ADH1C: variants seen among roughly 807,000 people sequenced by gnomAD.
The protein encoded by ADH1C is alcohol dehydrogenase 1C (class I), gamma polypeptide.
Under a neutral mutation model 35.0 loss-of-function variants are expected in ADH1C, and 26 were observed. The observed-to-expected ratio is 0.74, with a 90% confidence interval of 0.54 to 1.03. The LOEUF (loss-of-function observed/expected upper bound fraction) is 1.03. ADH1C is among the 50% of genes least tolerant of loss of function. The pLI is 0.00. For synonymous variants in ADH1C, 170 were observed against 169.3 expected (o/e 1.00, Z -0.03); for missense variants, 413 against 465.4 (o/e 0.89, Z 1.04).
At chr4:99,347,889 C>T (rs1374015863) in intron 1 of ADH1C, 43 bp from the exon 2 acceptor site, 7 of 1,606,082 alleles carry the variant, frequency 4.4e-6, no homozygotes, top group Non-Finnish European at 6.0e-6. Flanking sequence ...TTTTCCCACG[C>T]TTGCAGTCAG....
intron 8 of ADH1C, 49 bp downstream of exon 8, chr4:99,339,527 GC>G: frequency 7.1e-5 from 47 of 665,154 alleles, no homozygotes; most frequent in Non-Finnish European, 8.7e-5. Context: ...CCCCCCCCCC[GC>G]CGCTACTGTA....
Position 99,344,886 on chromosome 4 carries a change from A to G in ADH1C, c.543T>C (p.Tyr181=). ...CLIGCGFSTG[Y]GSAVKVAKVT... is the part of the protein sequence containing the mutation. ...CCTTGGCAACTTTGACTGCAGACCC[A>G]TAACCAGTCGAAAATCCACAGCCAA... The change falls in exon 5 of 9, where the codon TAT becomes TAC. Residue 181 remains tyrosine (Y), a synonymous_variant. Transcript: ENST00000515683. The G allele has an allele frequency of 9.3e-6, 15 of 1,614,248 alleles. No individual in the cohort carries two copies. Among genetic ancestry groups the G allele is most frequent in the Non-Finnish European group, 1.3e-5 (15 of 1,180,042 alleles).
intron 1 of ADH1C, chr4:99,351,082 G>A (rs1354900159): frequency 6.6e-6 from 1 of 152,160 alleles, no homozygotes; most frequent in African/African-American, 2.4e-5. Flanking sequence ...AGGTTGCAGT[G>A]AGCCGAGATC....
In ADH1C at chr4:99,345,027, G is replaced by T; in HGVS notation, c.402C>A (p.Ser134Arg). The T allele has an allele frequency of 1.2e-6, 2 of 1,614,156 alleles. No homozygotes were observed. Among genetic ancestry groups the T allele is most frequent in the South Asian group, 1.1e-5 (1 of 91,070 alleles). The change falls in exon 5 of 9, where the codon AGC becomes AGA. Residue 134 changes from serine to arginine, a missense_variant. Physicochemically the swap from Ser to Arg is moderately radical, Grantham distance 110. Coordinates refer to ENST00000515683, the MANE Select transcript of ADH1C (RefSeq NM_000669.5). Reference protein sequence around the residue: ...LQDGTRRFTCSGKPIHHFVGV... With the variant: ...LQDGTRRFTCRGKPIHHFVGV... ...CGACGAAGTGGTGGATGGGCTTCCC[G>T]CTGCAGGTGAACCTCCTGGTGCCAT...
At chr4:99,349,590 AC>A (rs1734627135) in intron 1 of ADH1C, among the ~76,000 whole-genome samples, 1 of 152,142 alleles carries the variant, frequency 6.6e-6, no homozygotes, top group African/African-American at 2.4e-5. Context: ...TTATACATTT[AC>A]CTTCCTGCTT....
At position 99,347,706 on chromosome 4, in the gene ADH1C, T is replaced by C. The variant is rs574551283; in HGVS notation, c.120+39A>G. ...TATTTTTAATATTTTCTGAATTCTT[T>C]AAACTTAAAATTAAATACAAATGGA... On this transcript the variant is annotated intron_variant, in intron 2 of 8. Transcript: ENST00000515683. 5.8e-6 allele frequency: 9 copies of C among 1,556,312 alleles called. No individual in the cohort carries two copies. The Admixed American group carries it at 7.3e-5, about 13-fold the overall frequency.
chr4:99,344,745 T>A, intron 5 of ADH1C, 117 bp downstream of exon 5: 2 of 1,331,714 alleles, frequency 1.5e-6, no homozygotes, highest in Non-Finnish European at 2.1e-6. Context: ...ATTTTTCTAC[T>A]CTTAATCGAC....
Position 99,339,759 on chromosome 4 carries a change from T to C in ADH1C, c.965-44A>G, listed in dbSNP as rs766481169. On this transcript the variant is annotated intron_variant, in intron 7 of 8. Coordinates refer to ENST00000515683, the MANE Select transcript of ADH1C (RefSeq NM_000669.5). ...CATTGATAGATTCAACCAGGGTAAG[T>C]AGGAGAATTGAAGAGAAGATTTTCC... 8 of 1,558,166 alleles carry C rather than the reference T, an allele frequency of 5.1e-6. No individual in the cohort carries two copies. The African/African-American group carries it at 9.7e-5, about 19-fold the overall frequency.
chr4:99,347,139 C>T lies in ADH1C; in HGVS notation c.126G>A (p.Val42=). 2 of 1,613,154 alleles carry T rather than the reference C, an allele frequency of 1.2e-6. No individual in the cohort carries two copies. Among genetic ancestry groups the T allele is most frequent in the South Asian group, 1.1e-5 (1 of 90,934 alleles). ...CATCTGAACGACAGATTCCTGCAGC[C>T]ACCATCTACAGAATAAAGAGAAGAT... The part of the protein sequence containing the change: ...PKAHEVRIKM[V]AAGICRSDEH... The change falls in exon 3 of 9, where the codon GTG becomes GTA. Residue 42 remains valine (V), a synonymous_variant. Coordinates refer to ENST00000515683, the MANE Select transcript of ADH1C (RefSeq NM_000669.5).
At chr4:99,346,258 G>C (rs1212039724) in intron 3 of ADH1C, among the ~76,000 whole-genome samples, 1 of 152,030 alleles carries the variant, frequency 6.6e-6, no homozygotes, top group Non-Finnish European at 1.5e-5. Flanking sequence ...CGATGGTATG[G>C]AAATGTCCTA....
chr4:99,340,463 A>C, intron 7 of ADH1C, 112 bp downstream of exon 7: 1 of 1,322,124 alleles, frequency 7.6e-7, no homozygotes, highest in South Asian at 1.3e-5. Flanking sequence ...ATAGAAAAGA[A>C]ATTTTAATTT....
intron 6 of ADH1C, 51 bp downstream of exon 6, chr4:99,342,744 C>A: frequency 6.2e-7 from 1 of 1,611,780 alleles, no homozygotes; most frequent in Non-Finnish European, 8.5e-7. Flanking sequence ...TGCCTAAATG[C>A]ATCCTCCAGG....
rs778588630 is a variant in ADH1C at position 99,343,690 on chromosome 4, A to T, written c.568-635T>A. Among the ~76,000 whole-genome samples, 45 of 152,196 alleles carry T rather than the reference A, an allele frequency of 3.0e-4. 1 individual carries two copies. Among genetic ancestry groups the T allele is most frequent in the Non-Finnish European group, 8.8e-5 (6 of 68,020 alleles). On this transcript the variant is annotated intron_variant, in intron 5 of 8. Coordinates refer to ENST00000515683, the MANE Select transcript of ADH1C (RefSeq NM_000669.5). ...TTAGTCTATATTTTAATAATAAATA[A>T]AATCTGTTGTTATGAGTATCCTCAG...
intron 6 of ADH1C, among the ~76,000 whole-genome samples, chr4:99,341,237 C>T (rs1734407711): frequency 1.3e-5 from 2 of 152,266 alleles, no homozygotes. Flanking sequence ...TTTTACCTCC[C>T]CAAATGTATA....
At chr4:99,341,788 T>C (rs1206899152) in intron 6 of ADH1C, among the ~76,000 whole-genome samples, 3 of 152,162 alleles carry the variant, frequency 2.0e-5, no homozygotes, top group Admixed American at 2.0e-4. Flanking sequence ...TGTTTGAAAG[T>C]AATATCATGT....
In ADH1C at chr4:99,347,787, C is replaced by T. The variant is rs569788930; in HGVS notation, c.78G>A (p.Glu26=). The change falls in exon 2 of 9, where the codon GAG becomes GAA. Residue 26 remains glutamate (E), a synonymous_variant. Coordinates refer to ENST00000515683, the MANE Select transcript of ADH1C (RefSeq NM_000669.5). ...WELKKPFSIE[E]VEVAPPKAHE... Reference sequence around the variant, plus strand: ...GAGCCTTAGGAGGTGCAACCTCTACCTCCTCAATGGAAAAGGGTTTCTTTA... The same window carrying T: ...GAGCCTTAGGAGGTGCAACCTCTACTTCCTCAATGGAAAAGGGTTTCTTTA... 6.8e-6 allele frequency: 11 copies of T among 1,613,780 alleles called. No homozygotes were observed. Among genetic ancestry groups the T allele is most frequent in the African/African-American group, 5.3e-5 (4 of 75,048 alleles).
At position 99,352,521 on chromosome 4, in the gene ADH1C, G is replaced by C. The variant is rs1734700763; in HGVS notation, c.18+137C>G. ...ATTCCAGTGTATCATTTCTAATTTA[G>C]ATATGAATTTTAAATTATTCATCAT... On this transcript the variant is annotated intron_variant, in intron 1 of 8. Coordinates refer to ENST00000515683, the MANE Select transcript of ADH1C (RefSeq NM_000669.5). 3.3e-6 allele frequency: 2 copies of C among 603,818 alleles called. No homozygotes were observed. Among genetic ancestry groups the C allele is most frequent in the Non-Finnish European group, 5.4e-6 (2 of 370,998 alleles). 37.4% of individuals were successfully genotyped at this position (603,818 alleles called of 1,614,324 possible).
chr4:99,336,860 G>A, intron 8 of ADH1C, 84 bp from the exon 9 acceptor site: 1 of 1,579,588 alleles, frequency 6.3e-7, no homozygotes, highest in Non-Finnish European at 8.7e-7. Context: ...TATTTGAGGT[G>A]ACTTAGTGAA....
rs1295150312 is a variant in ADH1C, at chr4:99,347,775, T to G, written c.90A>C (p.Ala30=). Residue 30 remains alanine, a synonymous_variant, in exon 2 of 9, where the codon GCA becomes GCC. Transcript: ENST00000515683. The stretch of plus-strand genomic sequence containing the variant: ...TGCGAACTTCATGAGCCTTAGGAGG[T>G]GCAACCTCTACCTCCTCAATGGAAA... ...KPFSIEEVEV[A]PPKAHEVRIK... 6.2e-7 allele frequency: 1 copy of G among 1,613,586 alleles called. No homozygotes were observed. The highest frequency in any genetic ancestry group is 2.2e-5 in the East Asian group (1 of 44,870).
Sources: allele counts gnomAD v4.1 joint callset (sites outside exome capture counted in the v4.1 genomes callset), GRCh38; gene constraint gnomAD v4.1.1; transcripts MANE v1.5; gene names NCBI Gene and HGNC (gene_info 2026-07-23, HGNC 2026-07-21).